Variants in USP50 observed in about 807,000 individuals in gnomAD.
The protein encoded by USP50 is ubiquitin specific peptidase 50.
USP50 carries 37 observed loss-of-function variants against 39.2 expected under a neutral mutation model. That is an observed-to-expected ratio of 0.94 (90% CI 0.73 to 1.24). The LOEUF (loss-of-function observed/expected upper bound fraction) is 1.24, where lower values mean the gene tolerates loss of function less well. Ranked by LOEUF, USP50 falls within the 50% of genes most tolerant of loss-of-function variation. The probability of loss-of-function intolerance (pLI) is 0.00; values close to 1 mark genes in which losing one functional copy is unlikely to be tolerated. For missense variants in USP50, 374 were observed against 398.2 expected, an observed-to-expected ratio of 0.94 and a Z score of 0.52; for synonymous variants, 139 against 144.5, an observed-to-expected ratio of 0.96 and a Z score of 0.27.
chr15:50,500,561 G>A (rs1047863205), downstream of USP50: 23 of 499,014 alleles, frequency 4.6e-5, no homozygotes, highest in African/African-American at 3.8e-4. Context: ...AATGATGCAA[G>A]TAAGTTCTAA....
chr15:50,501,752 A>C (rs1172724860), intron 6 of USP50: 1 of 152,198 alleles, frequency 6.6e-6, no homozygotes, highest in East Asian at 1.9e-4. Context: ...GGTGTATGAT[A>C]AGGGTCAGCA....
At chr15:50,495,551 C>T (rs1255594642) in intron 1 of USP50, among the ~76,000 whole-genome samples, 2 of 151,944 alleles carry the variant, frequency 1.3e-5, no homozygotes, top group African/African-American at 4.8e-5. Flanking sequence ...GTCCTCCTGC[C>T]TTGGCTTCCC....
intron 6 of USP50, chr15:50,503,745 G>A (rs1388400519): frequency 6.6e-6 from 1 of 152,176 alleles, no homozygotes; most frequent in African/African-American, 2.4e-5. Context: ...TTGCCAGAAG[G>A]AAACAGAATT....
exon 2 of USP50, chr15:50,494,068 A>G: frequency 6.2e-7 from 1 of 1,601,260 alleles, no homozygotes; most frequent in Non-Finnish European, 8.5e-7. Context: ...TTATTTGCAC[A>G]GGTCAAATTT....
At chr15:50,507,365 G>A (rs1209001718) in intron 6 of USP50, 6 of 152,200 alleles carry the variant, frequency 3.9e-5, no homozygotes, top group Non-Finnish European at 1.5e-5. Context: ...TTTCCCTTGA[G>A]CATCATGTTG....
chr15:50,542,289 A>G (rs1187880661), intron 3 of USP50, among the ~76,000 whole-genome samples: 1 of 151,616 alleles, frequency 6.6e-6, no homozygotes, highest in African/African-American at 2.4e-5. Context: ...CTTTCATCAC[A>G]CTCTGCTGCC....
chr15:50,530,459 C>T (rs1477074566), intron 5 of USP50, among the ~76,000 whole-genome samples: 2 of 151,562 alleles, frequency 1.3e-5, no homozygotes, highest in Non-Finnish European at 2.9e-5. Context: ...TAGTGGATGC[C>T]TGTAATCCCA....
downstream of USP50, chr15:50,493,099 G>C: frequency 2.9e-6 from 2 of 700,238 alleles, no homozygotes; most frequent in East Asian, 5.9e-5. Flanking sequence ...GCCGGCATCT[G>C]GTGCGCTTTT....
intron 5 of USP50, chr15:50,532,078 A>G (rs1162176677): frequency 2.2e-6 from 1 of 456,050 alleles, no homozygotes; most frequent in Non-Finnish European, 4.4e-6. Context: ...CTGAACTGTA[A>G]TTGATGAATT....
intron 6 of USP50, chr15:50,511,507 G>C (rs909944599): frequency 1.3e-5 from 2 of 152,190 alleles, no homozygotes; most frequent in Non-Finnish European, 2.9e-5. Flanking sequence ...ACAGCCAAAA[G>C]TGGAAACAAG....
At chr15:50,539,808 TG>T (rs1440947260) in intron 4 of USP50, among the ~76,000 whole-genome samples, 2 of 152,212 alleles carry the variant, frequency 1.3e-5, no homozygotes, top group African/African-American at 4.8e-5. Context: ...TCTCAGGGTT[TG>T]GGGGTGGCCC....
chr15:50,543,790 A>G lies in USP50; in HGVS notation c.252T>C (p.Asp84=), dbSNP rs1173025210. The change falls in exon 3 of 7, where the codon GAT becomes GAC. Residue 84 remains aspartate (D), a synonymous_variant. Coordinates refer to ENST00000532404, the MANE Select transcript of USP50 (RefSeq NM_203494.5). ...CAAAAGCAGTGGCAACTTCACTGCAATCGCTTGGAAGAAGAAAGGGATATG... is the reference window on the plus strand; with the variant it reads ...CAAAAGCAGTGGCAACTTCACTGCAGTCGCTTGGAAGAAGAAAGGGATATG... ...TGKYITALQN[D]CSEVATAFAY... is the part of the protein sequence containing the mutation. 9.3e-6 allele frequency: 15 copies of G among 1,606,084 alleles called. No homozygotes were observed. Among genetic ancestry groups the G allele is most frequent in the Non-Finnish European group, 1.3e-5 (15 of 1,175,840 alleles).
chr15:50,545,883 C>A (rs1596023033), intron 1 of USP50, among the ~76,000 whole-genome samples: 1 of 151,678 alleles, frequency 6.6e-6, no homozygotes, highest in African/African-American at 2.4e-5. Context: ...ATGCAGGTAT[C>A]ATGCAAGCTA....
At chr15:50,519,440 T>C (rs941286717) in intron 6 of USP50, among the ~76,000 whole-genome samples, 5 of 151,106 alleles carry the variant, frequency 3.3e-5, no homozygotes, top group Admixed American at 6.6e-5. Context: ...TGAGGCCGGG[T>C]GCGGTGGCTC....
chr15:50,494,287 A>AAT, intron 1 of USP50: 1 of 1,590,274 alleles, frequency 6.3e-7, no homozygotes, highest in Non-Finnish European at 8.5e-7. Context: ...TAAAGTAAGA[A>AAT]ATTTGATTTT....
At chr15:50,537,926 A>AAGGGG (rs1566911129) in intron 5 of USP50, among the ~76,000 whole-genome samples, 1 of 77,088 alleles carries the variant, frequency 1.3e-5, no homozygotes, top group African/African-American at 5.1e-5. Flanking sequence ...AAGGGAAGGG[A>AAGGGG]AGGGAAGGGA....
chr15:50,525,540 A>ATATG (rs1555395181), intron 6 of USP50, among the ~76,000 whole-genome samples: 9 of 84,196 alleles, frequency 1.1e-4, no homozygotes, highest in Admixed American at 3.4e-4. Flanking sequence ...ATGTATATGT[A>ATATG]TATATGTATA....
intron 2 of USP50, 57 bp downstream of exon 2, chr15:50,544,530 T>C: frequency 1.3e-6 from 2 of 1,520,988 alleles, no homozygotes; most frequent in Non-Finnish European, 1.8e-6. Context: ...TTCTCTAACC[T>C]CATCTGTGGG....
chr15:50,525,656 G>GTATAT (rs1566907689), intron 6 of USP50, among the ~76,000 whole-genome samples: 2,231 of 73,266 alleles, frequency 0.03, 178 homozygotes, highest in African/African-American at 0.067. Flanking sequence ...ATATGTATAT[G>GTATAT]TATATATGTA....
Sources: allele counts gnomAD v4.1 joint callset (sites outside exome capture counted in the v4.1 genomes callset), GRCh38; gene constraint gnomAD v4.1.1; transcripts MANE v1.5; gene names NCBI Gene and HGNC (gene_info 2026-07-23, HGNC 2026-07-21).